The following TMEM131L variants were observed in gnomAD, a reference collection of about 807,000 sequenced individuals.
TMEM131L encodes the protein transmembrane protein 131-like.
Under a neutral mutation model 192.2 loss-of-function variants are expected in TMEM131L, and 54 were observed. That is an observed-to-expected ratio of 0.28 (90% CI 0.23 to 0.35). The LOEUF (loss-of-function observed/expected upper bound fraction) is 0.35, where lower values mean the gene tolerates loss of function less well. Ranked by LOEUF, TMEM131L falls within the 10% of genes least tolerant of loss-of-function variation. The probability of loss-of-function intolerance (pLI) is 1.00; values close to 1 mark genes in which losing one functional copy is unlikely to be tolerated. For missense variants in TMEM131L, 1,888 were observed against 1,972.9 expected, an observed-to-expected ratio of 0.96 and a Z score of 0.82; for synonymous variants, 701 against 704.9, an observed-to-expected ratio of 0.99 and a Z score of 0.09.
Position 153,620,834 on chromosome 4 carries a change from C to A in TMEM131L, c.3646C>A (p.Arg1216=). ...ACAAAATTTAAATTGGAGTAAAAGT[C>A]GAACATGTAGAAAGAACAAGAAAAG... is the stretch of plus-strand genomic sequence containing the variant. ...NLQNLNWSKS[R]TCRKNKKRGV... Residue 1216 remains arginine, a synonymous_variant, in exon 27 of 35, where the codon CGA becomes AGA. Coordinates refer to ENST00000409959, the MANE Select transcript of TMEM131L (RefSeq NM_001131007.2). 4 of 1,599,268 alleles carry A rather than the reference C, an allele frequency of 2.5e-6. No homozygotes were observed. In the South Asian group the frequency reaches 3.4e-5, roughly 14 times the overall value.
chr4:153,495,248 C>T (rs112570045), intron 3 of TMEM131L, among the ~76,000 whole-genome samples: 2,536 of 151,962 alleles, frequency 0.017, 75 homozygotes, highest in African/African-American at 0.055. Flanking sequence ...ACCTGGGAGG[C>T]ATCCTAGGTT....
chr4:153,626,707 A>G (rs902799896), intron 30 of TMEM131L, among the ~76,000 whole-genome samples: 6 of 152,244 alleles, frequency 3.9e-5, no homozygotes, highest in Non-Finnish European at 7.3e-5. Flanking sequence ...CGAGGCTGCA[A>G]TGAGCTATGA....
chr4:153,627,525 A>G lies in TMEM131L; in HGVS notation c.4125-80A>G, dbSNP rs1733932666. Reference sequence around the variant, plus strand: ...CAAGACTTCAATTGAGTGAAAACTCAATCAGACGTGGTTATACAATATCAG... The same window carrying G: ...CAAGACTTCAATTGAGTGAAAACTCGATCAGACGTGGTTATACAATATCAG... On this transcript the variant is annotated intron_variant, in intron 30 of 34. Transcript: ENST00000409959. 8 of 1,061,298 alleles carry G rather than the reference A, an allele frequency of 7.5e-6. No individual in the cohort carries two copies. The South Asian group carries it at 1.1e-4, about 15-fold the overall frequency. 65.7% of individuals were successfully genotyped at this position (1,061,298 alleles called of 1,614,324 possible).
chr4:153,575,649 CT>C (rs1490122809), intron 7 of TMEM131L, among the ~76,000 whole-genome samples: 1 of 151,996 alleles, frequency 6.6e-6, no homozygotes, highest in Non-Finnish European at 1.5e-5. Flanking sequence ...AATATATAAA[CT>C]ATATTAATAC....
At chr4:153,517,923 A>G (rs1734847826) in intron 3 of TMEM131L, among the ~76,000 whole-genome samples, 1 of 152,020 alleles carries the variant, frequency 6.6e-6, no homozygotes, top group Admixed American at 6.5e-5. Context: ...AATCTTTTGG[A>G]CCCTGTTTTT....
chr4:153,550,516 C>A (rs974835017), intron 4 of TMEM131L, among the ~76,000 whole-genome samples: 1 of 152,082 alleles, frequency 6.6e-6, no homozygotes, highest in Non-Finnish European at 1.5e-5. Flanking sequence ...TTAGTAGAGA[C>A]GGGGTTTCAC....
intron 32 of TMEM131L, among the ~76,000 whole-genome samples, chr4:153,633,555 T>C (rs538867083): frequency 6.6e-6 from 1 of 152,310 alleles, no homozygotes; most frequent in South Asian, 2.1e-4. Flanking sequence ...AAAGATCAAA[T>C]AATTTGAATA....
intron 7 of TMEM131L, 156 bp downstream of exon 7, chr4:153,558,524 A>T: frequency 2.2e-6 from 1 of 464,988 alleles, no homozygotes; most frequent in Non-Finnish European, 3.9e-6. Flanking sequence ...CTTCTTTTTA[A>T]TGGCTGTGGA....
intron 3 of TMEM131L, among the ~76,000 whole-genome samples, chr4:153,525,306 A>G (rs1438497312): frequency 6.6e-6 from 1 of 152,170 alleles, no homozygotes; most frequent in African/African-American, 2.4e-5. Context: ...CTTTCATCAC[A>G]GGTTTAACAG....
At chr4:153,605,964 C>T (rs1732203270) in intron 25 of TMEM131L, among the ~76,000 whole-genome samples, 1 of 152,064 alleles carries the variant, frequency 6.6e-6, no homozygotes, top group African/African-American at 2.4e-5. Context: ...TACCGTTTCC[C>T]CTGGCAGTGG....
At chr4:153,512,087 A>G (rs555517053) in intron 3 of TMEM131L, among the ~76,000 whole-genome samples, 1 of 137,872 alleles carries the variant, frequency 7.3e-6, no homozygotes, top group Admixed American at 7.2e-5. Flanking sequence ...ACTGTTTCCA[A>G]CTCTTTTGAA....
intron 34 of TMEM131L, 132 bp from the exon 35 acceptor site, chr4:153,636,169 G>T (rs1734555673): frequency 1.1e-6 from 1 of 913,828 alleles, no homozygotes; most frequent in South Asian, 1.8e-5. Context: ...AAGCAACCCA[G>T]ATTTAAATTG....
At chr4:153,471,520 G>A (rs968470825) in intron 2 of TMEM131L, among the ~76,000 whole-genome samples, 3 of 152,194 alleles carry the variant, frequency 2.0e-5, no homozygotes, top group African/African-American at 7.2e-5. Context: ...CAGGTGGAAT[G>A]CCTTAAATGG....
intron 11 of TMEM131L, among the ~76,000 whole-genome samples, chr4:153,584,175 G>A (rs138177063): frequency 6.6e-6 from 1 of 152,176 alleles, no homozygotes; most frequent in Non-Finnish European, 1.5e-5. Flanking sequence ...GGACAGCGAT[G>A]CGAGCAGTGT....
chr4:153,580,586 G>A (rs529096018), intron 7 of TMEM131L, among the ~76,000 whole-genome samples: 14 of 152,228 alleles, frequency 9.2e-5, no homozygotes, highest in African/African-American at 3.4e-4. Flanking sequence ...GTTGCCCGAG[G>A]GAGAACTTAT....
Position 153,583,036 on chromosome 4 carries a change from A to G in TMEM131L, c.893-154A>G, listed in dbSNP as rs376087582. 4.8e-4 allele frequency among the ~76,000 whole-genome samples: 73 copies of G among 151,986 alleles called. 3 individuals are homozygous for G. The highest frequency in any genetic ancestry group is 1.5e-3 in the African/African-American group (64 of 41,498). ...GAAAAAAAAAAAGAAAACACCTCCT[A>G]GTTTTGATTTCAGTTTTGAGAAACA... On this transcript the variant is annotated intron_variant, in intron 9 of 34. Transcript: ENST00000409959.
chr4:153,570,827 G>A (rs1265169908), intron 7 of TMEM131L, among the ~76,000 whole-genome samples: 1 of 152,142 alleles, frequency 6.6e-6, no homozygotes. Context: ...TTCAACTGGA[G>A]TGGTGTTCTC....
intron 7 of TMEM131L, among the ~76,000 whole-genome samples, chr4:153,566,335 C>T (rs1336753644): frequency 1.3e-5 from 2 of 152,018 alleles, no homozygotes; most frequent in Non-Finnish European, 2.9e-5. Flanking sequence ...CGGGGTTTCA[C>T]CATGTTAGCC....
intron 3 of TMEM131L, among the ~76,000 whole-genome samples, chr4:153,490,850 A>C (rs1157167437): frequency 6.7e-6 from 1 of 148,684 alleles, no homozygotes; most frequent in East Asian, 2.1e-4. Flanking sequence ...GCTACTTGGG[A>C]GGCTGAGGCA....
Sources: gnomAD v4.1 joint callset for allele counts (sites outside exome capture counted in the v4.1 genomes callset) on GRCh38, gnomAD v4.1.1 for gene constraint, MANE v1.5 for transcripts, NCBI Gene and HGNC (gene_info 2026-07-23, HGNC 2026-07-21) for gene names.